ATP6V0A4: variants seen among roughly 807,000 people sequenced by gnomAD.
The protein encoded by ATP6V0A4 is V-type proton ATPase 116 kDa subunit a 4.
In ATP6V0A4, 86 loss-of-function variants were observed where a neutral mutation model predicts 107.3. The ratio of observed to expected loss-of-function variants is 0.80; its 90% CI spans 0.67 to 0.96. The LOEUF (loss-of-function observed/expected upper bound fraction) is 0.96. Ranked by LOEUF, ATP6V0A4 falls within the 40% of genes least tolerant of loss-of-function variation. The probability of loss-of-function intolerance (pLI) is 0.00; values close to 1 mark genes in which losing one functional copy is unlikely to be tolerated. For synonymous variants in ATP6V0A4, 353 were observed against 381.4 expected (o/e 0.93, Z 0.87); for missense variants, 908 against 1,045.6 (o/e 0.87, Z 1.81).
chr7:138,765,504 T>TC (rs1019876269), intron 5 of ATP6V0A4, among the ~76,000 whole-genome samples: 1 of 152,136 alleles, frequency 6.6e-6, no homozygotes, highest in Non-Finnish European at 1.5e-5. Flanking sequence ...GGTGGTTTTT[T>TC]CCCTCCCCCC....
rs61747679 is a variant in ATP6V0A4 at position 138,762,432 on chromosome 7, C to T, written c.420G>A (p.Thr140=). Reference sequence around the variant, plus strand: ...AGAAATCATCAGCTAAATTGGTTTCCGTCTGAAAGTCAAAGCACTATGATT... The same window carrying T: ...AGAAATCATCAGCTAAATTGGTTTCTGTCTGAAAGTCAAAGCACTATGATT... The part of the protein sequence containing the change: ...LLKKTQDFFE[T]ETNLADDFFT... The change falls in exon 7 of 22, where the codon ACG becomes ACA. Residue 140 remains threonine, a splice_region_variant and synonymous_variant. Transcript: ENST00000310018. 1.2e-5 allele frequency: 19 copies of T among 1,613,962 alleles called. No homozygotes were observed. The African/African-American group carries it at 1.2e-4, about 10-fold the overall frequency.
chr7:138,731,564 A>G (rs1033543381), intron 17 of ATP6V0A4, among the ~76,000 whole-genome samples: 6 of 152,176 alleles, frequency 3.9e-5, no homozygotes, highest in African/African-American at 1.4e-4. Flanking sequence ...AGTTATTTTT[A>G]TATCCAGCCC....
chr7:138,726,486 C>T (rs575220859), intron 18 of ATP6V0A4, among the ~76,000 whole-genome samples: 1 of 152,312 alleles, frequency 6.6e-6, no homozygotes, highest in African/African-American at 2.4e-5. Flanking sequence ...ACGCCACAGG[C>T]GGCCCTCTAG....
At chr7:138,730,386 G>GTGTGT (rs1194328965) in intron 17 of ATP6V0A4, among the ~76,000 whole-genome samples, 11 of 149,582 alleles carry the variant, frequency 7.4e-5, no homozygotes, top group South Asian at 6.3e-4. Flanking sequence ...GTGTGTGTGT[G>GTGTGT]GCTATCCTTT....
chr7:138,768,732 C>T, intron 5 of ATP6V0A4, 48 bp downstream of exon 5: 1 of 1,607,730 alleles, frequency 6.2e-7, no homozygotes, highest in Middle Eastern at 1.7e-4. Context: ...AGGAGACAGG[C>T]TTCATGACTG....
intron 19 of ATP6V0A4, among the ~76,000 whole-genome samples, chr7:138,720,963 C>T (rs1042570859): frequency 3.3e-5 from 5 of 152,100 alleles, no homozygotes; most frequent in African/African-American, 1.2e-4. Context: ...TTAAAATAAG[C>T]AATTAACACC....
chr7:138,713,164 G>C (rs996300075), intron 20 of ATP6V0A4, among the ~76,000 whole-genome samples: 2 of 151,490 alleles, frequency 1.3e-5, no homozygotes, highest in African/African-American at 4.9e-5. Flanking sequence ...AATTAGCTGG[G>C]CATGGTGGTG....
chr7:138,742,940 C>CTTTTCTTT, intron 14 of ATP6V0A4, among the ~76,000 whole-genome samples: 1 of 147,674 alleles, frequency 6.8e-6, no homozygotes. Context: ...GTCTGTATGT[C>CTTTTCTTT]ATTCCAGAAA....
At chr7:138,731,081 C>G (rs920431360) in intron 17 of ATP6V0A4, among the ~76,000 whole-genome samples, 4 of 152,030 alleles carry the variant, frequency 2.6e-5, no homozygotes, top group African/African-American at 9.7e-5. Context: ...TTATAGGCAC[C>G]TGCCACCATG....
intron 11 of ATP6V0A4, among the ~76,000 whole-genome samples, chr7:138,750,889 C>T (rs1217647734): frequency 6.6e-6 from 1 of 152,172 alleles, no homozygotes; most frequent in Non-Finnish European, 1.5e-5. Context: ...CAGGTTACTT[C>T]TACTTTCTGT....
In ATP6V0A4 at chr7:138,762,344, A is replaced by T. The variant is rs1402095838; in HGVS notation, c.508T>A (p.Leu170Met). ...KAVPAYMTGK[L>M]GFIAGVINRE... is the part of the protein sequence containing the mutation. ...ACACACAAGAATTACACTAACCCCA[A>T]CTTTCCGGTCATATATGCAGGCACT... The change falls in exon 7 of 22, where the codon TTG becomes ATG. Residue 170 changes from leucine to methionine, a missense_variant. Physicochemically the swap from Leu to Met is conservative, Grantham distance 15. Transcript: ENST00000310018. The T allele has an allele frequency of 6.2e-7, 1 of 1,614,036 alleles. No homozygotes were observed. Among genetic ancestry groups the T allele is most frequent in the African/African-American group, 1.3e-5 (1 of 74,984 alleles).
intron 5 of ATP6V0A4, among the ~76,000 whole-genome samples, chr7:138,765,198 A>G (rs767194882): frequency 1.3e-4 from 20 of 152,186 alleles, no homozygotes; most frequent in Non-Finnish European, 2.4e-4. Context: ...GGAAAATTTC[A>G]AACACACACA....
In ATP6V0A4 at chr7:138,778,189, C is replaced by T. The variant is rs559256797; in HGVS notation, c.-17-6925G>A. Among the ~76,000 whole-genome samples, 8 of 152,196 alleles carry T rather than the reference C, an allele frequency of 5.3e-5. No individual in the cohort carries two copies. The South Asian group carries it at 8.3e-4, about 16-fold the overall frequency. On this transcript the variant is annotated intron_variant, in intron 2 of 21. Coordinates refer to ENST00000310018, the MANE Select transcript of ATP6V0A4 (RefSeq NM_020632.3). ...AGGAATTCGAGACAAGCCTGGCCAA[C>T]GTGGTGAAACACCATCTTTACTAAA...
chr7:138,792,786 GT>G (rs869050228), intron 1 of ATP6V0A4, among the ~76,000 whole-genome samples: 821 of 59,950 alleles, frequency 0.014, 40 homozygotes, highest in African/African-American at 0.044. Context: ...TTGTTGTTTT[GT>G]TTTTTTTTTT....
chr7:138,709,286 ACCTTGCCAATACTTGG>A (rs1425070980), intron 21 of ATP6V0A4, among the ~76,000 whole-genome samples: 1 of 150,662 alleles, frequency 6.6e-6, no homozygotes, highest in Non-Finnish European at 1.5e-5. Flanking sequence ...CTCAGATGCC[ACCTTGCCAATACTTGG>A]AAATGTCACT....
At chr7:138,772,544 A>G (rs190019894) in intron 2 of ATP6V0A4, among the ~76,000 whole-genome samples, 2 of 152,294 alleles carry the variant, frequency 1.3e-5, no homozygotes, top group Admixed American at 6.5e-5. Flanking sequence ...GTGTATTGAC[A>G]CTGCTGATTA....
In ATP6V0A4 at chr7:138,798,144, C is replaced by T. The variant is rs770213757; in HGVS notation, c.-231G>A. 1.1e-5 allele frequency: 18 copies of T among 1,602,018 alleles called. No homozygotes were observed. The East Asian group carries it at 4.1e-4, about 36-fold the overall frequency. On this transcript the variant is annotated 5_prime_UTR_variant, in exon 1 of 22. Transcript: ENST00000310018. ...CGCTGCCACCCGGGCCACCCTGATC[C>T]TCAGCCTGGCCTTTGCCTCCCTCCA...
At chr7:138,728,887 T>G in intron 17 of ATP6V0A4, 25 bp from the exon 18 acceptor site, 1 of 1,613,830 alleles carries the variant, frequency 6.2e-7, no homozygotes, top group South Asian at 1.1e-5. Context: ...TGGCGAGATC[T>G]CATCATTTTC....
intron 2 of ATP6V0A4, among the ~76,000 whole-genome samples, chr7:138,785,893 G>C (rs749500504): frequency 2.0e-5 from 3 of 152,114 alleles, no homozygotes; most frequent in Non-Finnish European, 4.4e-5. Flanking sequence ...ACTTCCTCCT[G>C]GCCACGACTT....
Sources: allele counts gnomAD v4.1 joint callset (sites outside exome capture counted in the v4.1 genomes callset), GRCh38; gene constraint gnomAD v4.1.1; transcripts MANE v1.5; gene names NCBI Gene and HGNC (gene_info 2026-07-23, HGNC 2026-07-21).